IPO5: variants seen among roughly 807,000 people sequenced by gnomAD.
IPO5 encodes importin-5.
Under a neutral mutation model 143.3 loss-of-function variants are expected in IPO5, and 18 were observed. The observed-to-expected ratio is 0.13, with a 90% CI of 0.09 to 0.19. The LOEUF (loss-of-function observed/expected upper bound fraction) is 0.19, where lower values mean the gene tolerates loss of function less well. Ranked by LOEUF, IPO5 falls within the 10% of genes least tolerant of loss-of-function variation. IPO5 has a pLI of 1.00. For missense variants in IPO5, 1,013 were observed against 1,336.9 expected, an observed-to-expected ratio of 0.76 and a Z score of 3.78; for synonymous variants, 477 against 465.7, an observed-to-expected ratio of 1.02 and a Z score of -0.31.
intron 13 of IPO5, chr13:98,001,886 T>G (rs547947910): frequency 6.6e-6 from 1 of 152,296 alleles, no homozygotes; most frequent in African/African-American, 2.4e-5. Context: ...AGTGCTGGGA[T>G]TACAGGTGTG....
chr13:98,007,940 T>G, intron 17 of IPO5, 119 bp from the exon 18 acceptor site: 1 of 607,060 alleles, frequency 1.6e-6, no homozygotes, highest in South Asian at 2.1e-5. Context: ...TATGATAGTT[T>G]ATCTATGAAA....
intron 5 of IPO5, among the ~76,000 whole-genome samples, chr13:97,983,220 T>C (rs1286126313): frequency 3.8e-4 from 58 of 152,240 alleles, no homozygotes; most frequent in Non-Finnish European, 2.9e-5. Flanking sequence ...TGAAACAATT[T>C]ATTCTAAAGA....
intron 11 of IPO5, among the ~76,000 whole-genome samples, chr13:97,996,201 T>C (rs1232084922): frequency 6.6e-6 from 1 of 151,986 alleles, no homozygotes; most frequent in Non-Finnish European, 1.5e-5. Context: ...AGGCACGCAC[T>C]ACCACACCTG....
intron 6 of IPO5, chr13:97,988,155 G>C: frequency 6.2e-6 from 1 of 160,054 alleles, no homozygotes; most frequent in South Asian, 1.6e-4. Flanking sequence ...AGTCTTATAA[G>C]TGGCACAGTA....
In IPO5 at chr13:98,014,154, G is replaced by A. The variant is rs757767349; in HGVS notation, c.2265G>A (p.Lys755=). ...MWHFMCDALI[K]AIGTEPDSDV... is the part of the protein sequence containing the mutation. ...ATTTTATGTGTGATGCTCTAATTAA[G>A]GCCATTGGTACAGAACCAGATTCAG... Residue 755 remains lysine, a synonymous_variant, in exon 22 of 29, where the codon AAG becomes AAA. Coordinates refer to ENST00000651721, the MANE Select transcript of IPO5 (RefSeq NM_002271.6). 9.3e-6 allele frequency: 15 copies of A among 1,613,630 alleles called. No individual in the cohort carries two copies. The highest frequency in any genetic ancestry group is 1.3e-5 in the Non-Finnish European group (15 of 1,179,654).
intron 2 of IPO5, among the ~76,000 whole-genome samples, chr13:97,957,695 A>C (rs911613991): frequency 2.0e-5 from 3 of 152,210 alleles, no homozygotes; most frequent in African/African-American, 7.2e-5. Flanking sequence ...AAAATAAACA[A>C]TTCTTTGATC....
intron 11 of IPO5, among the ~76,000 whole-genome samples, chr13:97,994,317 A>G (rs1462167457): frequency 1.3e-5 from 2 of 151,836 alleles, no homozygotes; most frequent in Admixed American, 6.6e-5. Context: ...CAAAAAAAAG[A>G]ATTAGAAAAC....
In IPO5 at chr13:97,974,818, T is replaced by C. The variant is rs930907835; in HGVS notation, c.-4-1875T>C. Among the ~76,000 whole-genome samples, 9 of 152,268 alleles carry C rather than the reference T, an allele frequency of 5.9e-5. No individual in the cohort carries two copies. In the East Asian group the frequency reaches 1.4e-3, roughly 23 times the overall value. ...CTAAGAAATATAAATTCAACAAAGA[T>C]AGGTCTGCAGACCTCCTGTAGAGAA... On this transcript the variant is annotated intron_variant, in intron 3 of 28. Transcript: ENST00000651721.
chr13:98,001,306 T>C (rs2139763785), intron 13 of IPO5, among the ~76,000 whole-genome samples: 1 of 152,338 alleles, frequency 6.6e-6, no homozygotes, highest in Admixed American at 6.5e-5. Flanking sequence ...ATGTGTTCTT[T>C]TGTTAAATTA....
chr13:97,990,049 A>T, intron 7 of IPO5, 77 bp from the exon 8 acceptor site: 5 of 856,026 alleles, frequency 5.8e-6, no homozygotes, highest in Non-Finnish European at 7.8e-6. Context: ...CAAACAGTTC[A>T]TTAGAGATTC....
chr13:97,962,101 C>G (rs1181984323), intron 2 of IPO5, among the ~76,000 whole-genome samples: 2 of 152,186 alleles, frequency 1.3e-5, no homozygotes, highest in Non-Finnish European at 2.9e-5. Flanking sequence ...TGCATTCCAG[C>G]CTGGGTGACA....
intron 27 of IPO5, 126 bp downstream of exon 27, chr13:98,019,935 A>G (rs1467359833): frequency 1.6e-6 from 1 of 616,716 alleles, no homozygotes; most frequent in Non-Finnish European, 2.9e-6. Context: ...GTATAGGTTT[A>G]TAATAGTGCT....
At chr13:98,007,979 A>AT in intron 17 of IPO5, 80 bp from the exon 18 acceptor site, 1 of 797,416 alleles carries the variant, frequency 1.3e-6, no homozygotes, top group East Asian at 2.5e-5. Flanking sequence ...AATGTAGTCG[A>AT]TTTTTTGGCA....
At chr13:97,995,565 C>T (rs1334956497) in intron 11 of IPO5, among the ~76,000 whole-genome samples, 1 of 151,098 alleles carries the variant, frequency 6.6e-6, no homozygotes, top group African/African-American at 2.4e-5. Context: ...ACCATCCTGG[C>T]TAACACTGTG....
At chr13:97,982,771 A>G (rs1385693423) in intron 5 of IPO5, among the ~76,000 whole-genome samples, 188 bp downstream of exon 5, 4 of 152,226 alleles carry the variant, frequency 2.6e-5, no homozygotes, top group African/African-American at 9.6e-5. Context: ...TGTATTAAGA[A>G]TGAGAGTTGC....
chr13:97,997,099 T>G (rs1888357373), intron 11 of IPO5, among the ~76,000 whole-genome samples: 1 of 152,164 alleles, frequency 6.6e-6, no homozygotes, highest in South Asian at 2.1e-4. Context: ...AATCCTTATG[T>G]GTTGAGAAAA....
intron 2 of IPO5, among the ~76,000 whole-genome samples, chr13:97,957,886 G>A (rs1025387376): frequency 3.9e-5 from 6 of 151,960 alleles, no homozygotes; most frequent in Non-Finnish European, 5.9e-5. Flanking sequence ...TCTAGAGGCC[G>A]AGACAGCAGA....
intron 11 of IPO5, among the ~76,000 whole-genome samples, chr13:97,996,891 C>G (rs1177668615): frequency 6.6e-6 from 1 of 152,156 alleles, no homozygotes; most frequent in Non-Finnish European, 1.5e-5. Context: ...CGCGCCTAGA[C>G]TTGTTTGATA....
chr13:97,960,703 C>T (rs1392198763), intron 2 of IPO5, among the ~76,000 whole-genome samples: 3 of 151,738 alleles, frequency 2.0e-5, no homozygotes, highest in Non-Finnish European at 4.4e-5. Context: ...GGATTACAGT[C>T]GCGCACCACT....
Sources: allele counts gnomAD v4.1 joint callset (sites outside exome capture counted in the v4.1 genomes callset), GRCh38; gene constraint gnomAD v4.1.1; transcripts MANE v1.5; gene names NCBI Gene and HGNC (gene_info 2026-07-23, HGNC 2026-07-21).